The following CNBD1 variants were observed in gnomAD, a reference collection of about 807,000 sequenced individuals.
The protein encoded by CNBD1 is cyclic nucleotide-binding domain-containing protein 1.
A neutral mutation model predicts 54.4 loss-of-function variants in CNBD1; 71 were observed. The ratio of observed to expected loss-of-function variants is 1.30; its 90% CI spans 1.08 to 1.59. The LOEUF (loss-of-function observed/expected upper bound fraction) is 1.59. CNBD1 is among the 40% of genes most tolerant of loss of function. The pLI is 0.00. For missense variants in CNBD1, 659 were observed against 518.0 expected, an observed-to-expected ratio of 1.27 and a Z score of -2.64; for synonymous variants, 182 against 170.7, an observed-to-expected ratio of 1.07 and a Z score of -0.51.
intron 1 of CNBD1, among the ~76,000 whole-genome samples, chr8:86,878,627 T>G (rs572430911): frequency 6.6e-6 from 1 of 152,176 alleles, no homozygotes; most frequent in African/African-American, 2.4e-5. Flanking sequence ...TAACCCCGCC[T>G]TTCATGAATG....
At chr8:86,949,410 CCT>C (rs1265536095) in intron 4 of CNBD1, among the ~76,000 whole-genome samples, 1 of 152,006 alleles carries the variant, frequency 6.6e-6, no homozygotes, top group African/African-American at 2.4e-5. Flanking sequence ...TTTTTGGTGT[CCT>C]CTTCAATTTC....
intron 5 of CNBD1, among the ~76,000 whole-genome samples, chr8:87,231,537 T>A (rs901619463): frequency 6.6e-6 from 1 of 152,204 alleles, no homozygotes; most frequent in Admixed American, 6.5e-5. Flanking sequence ...GCCTGACTCA[T>A]AGGGTTATAA....
intron 4 of CNBD1, among the ~76,000 whole-genome samples, chr8:87,066,380 A>AC (rs758798983): frequency 2.1e-4 from 32 of 152,058 alleles, no homozygotes; most frequent in Non-Finnish European, 3.5e-4. Flanking sequence ...AAATCCATGG[A>AC]CCAGGACATC....
chr8:87,222,159 G>T (rs962672521), intron 5 of CNBD1, among the ~76,000 whole-genome samples: 7 of 151,826 alleles, frequency 4.6e-5, no homozygotes, highest in African/African-American at 1.7e-4. Context: ...AAGGGCCTGA[G>T]AAGAAAATTG....
At chr8:87,149,952 G>A (rs1359952868) in intron 4 of CNBD1, among the ~76,000 whole-genome samples, 3 of 152,074 alleles carry the variant, frequency 2.0e-5, no homozygotes, top group Non-Finnish European at 4.4e-5. Flanking sequence ...GAGGAGGGCG[G>A]ATCATGAGGT....
At chr8:87,408,640 A>G (rs1169735988) in intron 2 of CNBD1, among the ~76,000 whole-genome samples, 1 of 151,964 alleles carries the variant, frequency 6.6e-6, no homozygotes, top group Non-Finnish European at 1.5e-5. Context: ...CAGATGTTGC[A>G]TTTTTAAAAC....
At chr8:87,379,825 TA>T (rs1163188100) in intron 10 of CNBD1, among the ~76,000 whole-genome samples, 1 of 151,942 alleles carries the variant, frequency 6.6e-6, no homozygotes, top group Non-Finnish European at 1.5e-5. Flanking sequence ...GAAGTAGAAT[TA>T]TAAAAACACA....
rs149364603 is a variant in CNBD1, at chr8:87,186,804, G to A, written c.432-19189G>A. Among the ~76,000 whole-genome samples the A allele has an allele frequency of 3.6e-4, 54 of 152,094 alleles. No homozygotes were observed. The East Asian group carries it at 0.01, about 29-fold the overall frequency. ...AATGGTTTGAGGGACTACTACAAACGCATGCATATGGCAAGATTGTTAAAA... is the reference window on the plus strand; with the variant it reads ...AATGGTTTGAGGGACTACTACAAACACATGCATATGGCAAGATTGTTAAAA... On this transcript the variant is annotated intron_variant, in intron 4 of 10. Transcript: ENST00000518476.
intron 4 of CNBD1, among the ~76,000 whole-genome samples, chr8:87,160,221 T>C (rs1351107513): frequency 1.3e-5 from 2 of 152,068 alleles, no homozygotes; most frequent in Non-Finnish European, 2.9e-5. Flanking sequence ...CAAATTCTTA[T>C]GTATTTTAAT....
chr8:87,039,948 A>T (rs1206242073), intron 4 of CNBD1, among the ~76,000 whole-genome samples: 1 of 152,082 alleles, frequency 6.6e-6, no homozygotes, highest in Non-Finnish European at 1.5e-5. Flanking sequence ...GAGCCACAAG[A>T]CCAGATGAGT....
intron 4 of CNBD1, among the ~76,000 whole-genome samples, chr8:86,963,741 C>A (rs189576894): frequency 2.0e-5 from 3 of 152,128 alleles, no homozygotes; most frequent in Non-Finnish European, 2.9e-5. Flanking sequence ...AAGGCCTGCT[C>A]AAGTCCAGGA....
intron 4 of CNBD1, among the ~76,000 whole-genome samples, chr8:86,972,907 T>C (rs7460487): frequency 0.73 from 111,302 of 152,060 alleles, 42,108 homozygotes; most frequent in East Asian, 0.95. Flanking sequence ...ACCCATATTT[T>C]CCGTTGTACT....
At chr8:87,306,340 T>G (rs7828718) in intron 8 of CNBD1, among the ~76,000 whole-genome samples, 59,912 of 151,994 alleles carry the variant, frequency 0.39, 12,106 homozygotes, top group Middle Eastern at 0.46. Flanking sequence ...ACAGTGTGGA[T>G]ATTCCTTTAA....
intron 6 of CNBD1, among the ~76,000 whole-genome samples, chr8:87,265,242 A>G (rs1172513569): frequency 2.0e-5 from 3 of 152,090 alleles, no homozygotes; most frequent in Non-Finnish European, 4.4e-5. Flanking sequence ...TCCCAGCACC[A>G]TTTATTAAAT....
intron 3 of CNBD1, among the ~76,000 whole-genome samples, chr8:86,937,401 T>A (rs1275100684): frequency 6.6e-6 from 1 of 152,174 alleles, no homozygotes; most frequent in Non-Finnish European, 1.5e-5. Context: ...CAAAATCTCA[T>A]GTCCTCCCAT....
At chr8:87,414,990 G>A (rs1415029655) in intron 2 of CNBD1, among the ~76,000 whole-genome samples, 1 of 151,990 alleles carries the variant, frequency 6.6e-6, no homozygotes, top group Non-Finnish European at 1.5e-5. Flanking sequence ...CTGCAGATAT[G>A]TTTCTTCTGG....
intron 4 of CNBD1, among the ~76,000 whole-genome samples, chr8:87,133,310 T>G (rs962250491): frequency 2.0e-5 from 3 of 152,294 alleles, no homozygotes; most frequent in Admixed American, 6.5e-5. Flanking sequence ...ATCTAATAAC[T>G]TTGACTTGTA....
intron 4 of CNBD1, among the ~76,000 whole-genome samples, chr8:87,075,711 C>T (rs1810855129): frequency 6.6e-6 from 1 of 152,100 alleles, no homozygotes; most frequent in Non-Finnish European, 1.5e-5. Context: ...ATTGGCTTTC[C>T]ATGAGATGAG....
intron 2 of CNBD1, among the ~76,000 whole-genome samples, chr8:87,420,918 G>A (rs373311305): frequency 2.2e-4 from 34 of 151,960 alleles, no homozygotes; most frequent in Middle Eastern, 6.8e-3. Flanking sequence ...GTTACTGATC[G>A]TGGAGTAAGC....
Sources: allele counts gnomAD v4.1 joint callset (sites outside exome capture counted in the v4.1 genomes callset), GRCh38; gene constraint gnomAD v4.1.1; transcripts MANE v1.5; gene names NCBI Gene and HGNC (gene_info 2026-07-23, HGNC 2026-07-21).